ECE1: variants seen among roughly 807,000 people sequenced by gnomAD.
ECE1 encodes the protein endothelin-converting enzyme 1.
ECE1 carries 35 observed loss-of-function variants against 98.6 expected under a neutral mutation model. The observed-to-expected ratio is 0.35, with a 90% CI of 0.27 to 0.47. The LOEUF is 0.47. Among genes scored for constraint, ECE1 ranks in the 20% least tolerant of loss-of-function variants. The pLI, the probability that ECE1 is intolerant of heterozygous loss-of-function variation, is 1.00. For missense variants in ECE1, 814 were observed against 1,025.3 expected (o/e 0.79, Z 2.81); for synonymous variants, 394 against 407.1 (o/e 0.97, Z 0.39).
intron 1 of ECE1, among the ~76,000 whole-genome samples, chr1:21,329,373 G>C (rs954433064): frequency 3.3e-5 from 5 of 152,202 alleles, no homozygotes; most frequent in Non-Finnish European, 5.9e-5. Flanking sequence ...ACAGAGGTGA[G>C]ACTCACCAGA....
At chr1:21,314,225 G>A (rs12116832) in intron 1 of ECE1, among the ~76,000 whole-genome samples, 30,836 of 152,192 alleles carry the variant, frequency 0.2, 3,482 homozygotes, top group Non-Finnish European at 0.25. Flanking sequence ...ATTTCTACCC[G>A]ATACTCAGGC....
intron 1 of ECE1, among the ~76,000 whole-genome samples, chr1:21,305,447 C>A (rs1023834667): frequency 6.6e-6 from 1 of 152,220 alleles, no homozygotes; most frequent in Admixed American, 6.5e-5. Flanking sequence ...TTCCAGCAAA[C>A]CTCTCCTCTG....
chr1:21,345,267 G>A lies in ECE1; in HGVS notation c.3+109C>T. The stretch of plus-strand genomic sequence containing the variant: ...GGCGGGGGCTGCTGCTGCAGCCGGC[G>A]CCCAGCCCCCCGCGAGCCAGGGCGG... On this transcript the variant is annotated intron_variant, in intron 1 of 18. Coordinates refer to the ECE1 transcript ENST00000415912. The surrounding 1 kb of genome is among the most constrained non-coding windows in gnomAD (Gnocchi z 5.1). 2.5e-6 allele frequency: 3 copies of A among 1,202,164 alleles called. No homozygotes were observed. The highest frequency in any genetic ancestry group is 3.1e-6 in the Non-Finnish European group (3 of 970,338). 74.5% of individuals were successfully genotyped at this position (1,202,164 alleles called of 1,614,324 possible).
intron 8 of ECE1, among the ~76,000 whole-genome samples, chr1:21,250,359 C>A (rs544183123): frequency 3.9e-4 from 60 of 152,292 alleles, no homozygotes; most frequent in African/African-American, 1.4e-3. Context: ...TTTTACAGAA[C>A]ACAAGGTTTT....
chr1:21,243,293 T>A (rs1180089982), intron 10 of ECE1, among the ~76,000 whole-genome samples: 4 of 152,214 alleles, frequency 2.6e-5, no homozygotes, highest in Admixed American at 2.6e-4. Context: ...TTATCATCAT[T>A]ATGTAAGTGA....
At chr1:21,222,111 G>A (rs2098168177) in intron 17 of ECE1, 2 of 504,932 alleles carry the variant, frequency 4.0e-6, no homozygotes, top group East Asian at 3.6e-5. Context: ...TGTGCCAGCT[G>A]GACAGCCAAG....
In ECE1 at chr1:21,272,930, A is replaced by C. The variant is rs371361720; in HGVS notation, c.281-19T>G. The C allele has an allele frequency of 6.2e-7, 1 of 1,613,888 alleles. No individual in the cohort carries two copies. The highest frequency in any genetic ancestry group is 8.5e-7 in the Non-Finnish European group (1 of 1,179,806). Reference sequence around the variant, plus strand: ...GGGGATCCTGGAAGGGTTAAGGACAAGAGGCCAGTGAAGGGCAGGCAGGGA... The same window carrying C: ...GGGGATCCTGGAAGGGTTAAGGACACGAGGCCAGTGAAGGGCAGGCAGGGA... On this transcript the variant is annotated intron_variant, in intron 3 of 18. Transcript: ENST00000374893.
At chr1:21,294,614 G>A (rs1427500508), upstream of ECE1, among the ~76,000 whole-genome samples, 2 of 152,214 alleles carry the variant, frequency 1.3e-5, no homozygotes, top group Admixed American at 6.5e-5. This position sits in a 1 kb window ranked among gnomAD's most constrained non-coding sequence, Gnocchi z 4.2. Context: ...GGCCTGTGGT[G>A]AGCAGAAACG....
chr1:21,247,442 G>C, intron 8 of ECE1, 79 bp from the exon 9 acceptor site: 3 of 1,607,444 alleles, frequency 1.9e-6, no homozygotes, highest in Non-Finnish European at 2.6e-6. Context: ...GCTTCTACAG[G>C]AAGCAAAGGA....
intron 4 of ECE1, among the ~76,000 whole-genome samples, chr1:21,268,025 A>AT (rs1309344413): frequency 1.3e-5 from 2 of 152,168 alleles, no homozygotes; most frequent in Non-Finnish European, 2.9e-5. Flanking sequence ...GCACGCATTG[A>AT]TTTTTTTGTA....
At chr1:21,255,755 G>A (rs933637723) in intron 8 of ECE1, among the ~76,000 whole-genome samples, 192 bp downstream of exon 8, 5 of 152,188 alleles carry the variant, frequency 3.3e-5, no homozygotes, top group African/African-American at 1.2e-4. Flanking sequence ...TACTAGCTGT[G>A]TGCCCTTCAG....
chr1:21,279,818 A>C, intron 2 of ECE1: 1 of 672,116 alleles, frequency 1.5e-6, no homozygotes, highest in Non-Finnish European at 1.9e-6. Context: ...CCACGCAAAA[A>C]CACGCGAGCC....
intron 2 of ECE1, among the ~76,000 whole-genome samples, chr1:21,288,228 G>A (rs78380100): frequency 0.014 from 2,060 of 152,266 alleles, 25 homozygotes; most frequent in East Asian, 0.023. Flanking sequence ...AGACAACAGC[G>A]ACGTGACCCC....
At chr1:21,282,794 A>AAAGGAAC (rs2098256312) in intron 2 of ECE1, among the ~76,000 whole-genome samples, 1 of 151,964 alleles carries the variant, frequency 6.6e-6, no homozygotes, top group Non-Finnish European at 1.5e-5. Flanking sequence ...GGGAGAGAAG[A>AAAGGAAC]AAGGAACAGA....
chr1:21,312,151 T>A (rs886661160), intron 1 of ECE1, among the ~76,000 whole-genome samples: 1 of 146,392 alleles, frequency 6.8e-6, no homozygotes, highest in Non-Finnish European at 1.5e-5. Context: ...ATTTTTTTTT[T>A]AATTAGTCTG....
chr1:21,305,111 T>G (rs957829496), intron 1 of ECE1, among the ~76,000 whole-genome samples: 48 of 152,210 alleles, frequency 3.2e-4, no homozygotes, highest in African/African-American at 1.2e-3. Context: ...AAAAATAAAG[T>G]GAAAAATTCA....
chr1:21,297,609 G>A lies in ECE1; in HGVS notation c.4-7453C>T, dbSNP rs564267697. Among the ~76,000 whole-genome samples, 8 of 142,356 alleles carry A rather than the reference G, an allele frequency of 5.6e-5. No homozygotes were observed. In the East Asian group the frequency reaches 1.6e-3, roughly 29 times the overall value. The allele number at this position is 142,356 out of a possible 152,430, so 93.4% of individuals were successfully genotyped here. On this transcript the variant is annotated intron_variant, in intron 1 of 18. Coordinates refer to the ECE1 transcript ENST00000415912. ...TACAGTCACTTAATCTTGGCTCACT[G>A]TAACCTCTGCCTCCTGGGTTCAAGC...
chr1:21,225,568 G>T lies in ECE1; in HGVS notation c.1850-128C>A, dbSNP rs1054908314. ...CGTCCTCCAGCCACCATGGGGAGAC[G>T]AGGTCCCTGTGAGTGCCGAGGGACG... On this transcript the variant is annotated intron_variant, in intron 16 of 18. Transcript: ENST00000374893. This position sits in a 1 kb window ranked among gnomAD's most constrained non-coding sequence, Gnocchi z 5.3. 9.1e-7 allele frequency: 1 copy of T among 1,096,836 alleles called. No homozygotes were observed. Among genetic ancestry groups the T allele is most frequent in the African/African-American group, 1.6e-5 (1 of 64,486 alleles). The allele number at this position is 1,096,836 out of a possible 1,614,324, so 67.9% of individuals were successfully genotyped here.
chr1:21,306,495 C>G (rs1443112454), intron 1 of ECE1, among the ~76,000 whole-genome samples: 1 of 152,018 alleles, frequency 6.6e-6, no homozygotes, highest in Non-Finnish European at 1.5e-5. Flanking sequence ...CACCACCACG[C>G]CTGGCTAATT....
Sources: gnomAD v4.1 joint callset for allele counts (sites outside exome capture counted in the v4.1 genomes callset) on GRCh38, gnomAD v4.1.1 for gene constraint, Gnocchi (gnomAD v3.1) non-coding constraint, MANE v1.5 for transcripts, NCBI Gene and HGNC (gene_info 2026-07-23, HGNC 2026-07-21) for gene names.